Variants in ASTN1 observed in about 807,000 individuals in gnomAD.
ASTN1 encodes the protein astrotactin 1, also known as astrotactin-1.
In ASTN1, 41 loss-of-function variants were observed where a neutral mutation model predicts 140.7. The observed-to-expected ratio is 0.29, with a 90% CI of 0.23 to 0.38. The LOEUF (loss-of-function observed/expected upper bound fraction) is 0.38. Ranked by LOEUF, ASTN1 falls within the 10% of genes least tolerant of loss-of-function variation. The pLI, the probability that ASTN1 is intolerant of heterozygous loss-of-function variation, is 1.00. For missense variants in ASTN1, 1,479 were observed against 1,678.8 expected (o/e 0.88, Z 2.08); for synonymous variants, 640 against 652.2 (o/e 0.98, Z 0.29).
chr1:176,892,598 A>G (rs1350450450), intron 17 of ASTN1, among the ~76,000 whole-genome samples: 2 of 152,254 alleles, frequency 1.3e-5, no homozygotes, highest in East Asian at 3.9e-4. Context: ...ATATGGTTTG[A>G]CCTATTTGCT....
At chr1:176,890,111 C>T (rs1052824193) in intron 17 of ASTN1, among the ~76,000 whole-genome samples, 4 of 152,186 alleles carry the variant, frequency 2.6e-5, no homozygotes, top group Admixed American at 1.3e-4. Flanking sequence ...CGAGGATGCA[C>T]AAGACACCTG....
At chr1:177,108,781 T>A (rs189137932) in intron 1 of ASTN1, among the ~76,000 whole-genome samples, 1 of 152,300 alleles carries the variant, frequency 6.6e-6, no homozygotes, top group Admixed American at 6.5e-5. Context: ...GTGAGATAGA[T>A]AAATATTCAT....
chr1:176,943,968 A>C lies in ASTN1; in HGVS notation c.2300T>G (p.Val767Gly), dbSNP rs1284788032. 1 of 1,614,128 alleles carries C rather than the reference A, an allele frequency of 6.2e-7. No homozygotes were observed. Among genetic ancestry groups the C allele is most frequent in the Admixed American group, 1.7e-5 (1 of 60,012 alleles). ...ATTCTCCAGGGGCACAGTGGCCACCACAAGACCATCTGGCAGTTGCTGGTC... is the reference window on the plus strand; with the variant it reads ...ATTCTCCAGGGGCACAGTGGCCACCCCAAGACCATCTGGCAGTTGCTGGTC... ...GLDQQLPDGLVVATVPLENQC... is the reference protein window; with the variant it reads ...GLDQQLPDGLGVATVPLENQC... The change falls in exon 14 of 23, where the codon GTG becomes GGG. Residue 767 changes from valine to glycine, a missense_variant. Transcript: ENST00000361833.
At chr1:176,871,314 A>G (rs948886945) in intron 21 of ASTN1, among the ~76,000 whole-genome samples, 39 of 152,156 alleles carry the variant, frequency 2.6e-4, no homozygotes, top group African/African-American at 9.2e-4. Context: ...CGGGGGAGGA[A>G]AAATGCTGGT....
chr1:177,157,358 C>A (rs537449487), intron 1 of ASTN1, among the ~76,000 whole-genome samples: 1 of 152,184 alleles, frequency 6.6e-6, no homozygotes, highest in South Asian at 2.1e-4. Flanking sequence ...CTCTGTTACC[C>A]AGGCCAGAAT....
chr1:176,863,057 A>T lies in ASTN1; in HGVS notation c.*1227T>A, dbSNP rs1668018662. The T allele has an allele frequency of 1.0e-6, 1 of 985,684 alleles. No individual in the cohort carries two copies. The allele number at this position is 985,684 out of a possible 1,614,324, so 61.1% of individuals were successfully genotyped here. On this transcript the variant is annotated 3_prime_UTR_variant, in exon 23 of 23. Coordinates refer to ENST00000361833, the MANE Select transcript of ASTN1 (RefSeq NM_004319.3). Reference sequence around the variant, plus strand: ...TGGGCTTCCTGTTGGCTGGGCCACCATTCATGACCATGCCAATGCTTGGGC... The same window carrying T: ...TGGGCTTCCTGTTGGCTGGGCCACCTTTCATGACCATGCCAATGCTTGGGC...
In ASTN1 at chr1:176,978,323, C is replaced by T. The variant is rs72718688; in HGVS notation, c.1524-13086G>A. 2.4e-3 allele frequency among the ~76,000 whole-genome samples: 363 copies of T among 152,180 alleles called. 2 individuals carry two copies. The highest frequency in any genetic ancestry group is 3.7e-3 in the Non-Finnish European group (250 of 68,004). The stretch of plus-strand genomic sequence containing the variant: ...GGGCTTTGAATACAGGAAGATAGCA[C>T]CAAGATTTTGCTTCTGTGAAAGCAA... On this transcript the variant is annotated intron_variant, in intron 8 of 22. Transcript: ENST00000361833.
intron 11 of ASTN1, among the ~76,000 whole-genome samples, chr1:176,951,495 A>C (rs1672189157): frequency 6.6e-6 from 1 of 152,204 alleles, no homozygotes; most frequent in Non-Finnish European, 1.5e-5. Context: ...AGATAAAGTC[A>C]GTCCTTCTTT....
chr1:177,028,931 C>T (rs957621067), intron 5 of ASTN1, among the ~76,000 whole-genome samples: 5 of 152,170 alleles, frequency 3.3e-5, no homozygotes, highest in Admixed American at 1.3e-4. Flanking sequence ...CTCCGAACTC[C>T]GCTGGTGTGG....
At chr1:176,954,845 A>G (rs965506823) in intron 11 of ASTN1, among the ~76,000 whole-genome samples, 1 of 152,172 alleles carries the variant, frequency 6.6e-6, no homozygotes, top group African/African-American at 2.4e-5. Flanking sequence ...CCTTTCACAG[A>G]TATTTGTTTC....
At chr1:176,943,598 A>G (rs1671830994) in intron 14 of ASTN1, among the ~76,000 whole-genome samples, 1 of 152,110 alleles carries the variant, frequency 6.6e-6, no homozygotes, top group Non-Finnish European at 1.5e-5. Flanking sequence ...CACTTCCTCT[A>G]ATCCCCCAAG....
intron 16 of ASTN1, among the ~76,000 whole-genome samples, chr1:176,922,011 G>A (rs1468323465): frequency 6.6e-6 from 1 of 152,192 alleles, no homozygotes; most frequent in Non-Finnish European, 1.5e-5. Context: ...AAAATGCATT[G>A]CAGAAGATGG....
At chr1:177,032,416 T>G (rs1235461552) in intron 3 of ASTN1, 40 bp downstream of exon 3, 1 of 1,590,684 alleles carries the variant, frequency 6.3e-7, no homozygotes, top group Admixed American at 1.7e-5. Context: ...CTCCTTGAGA[T>G]GAAGGACCAA....
intron 1 of ASTN1, among the ~76,000 whole-genome samples, chr1:177,093,410 C>A (rs1679868515): frequency 6.6e-6 from 1 of 152,122 alleles, no homozygotes; most frequent in Non-Finnish European, 1.5e-5. Flanking sequence ...CAGGATTTCA[C>A]CTGGTAATTT....
chr1:177,128,199 G>T, intron 1 of ASTN1, among the ~76,000 whole-genome samples: 1 of 152,026 alleles, frequency 6.6e-6, no homozygotes, highest in East Asian at 1.9e-4. Flanking sequence ...TATAAAAAAA[G>T]AAAACAAAAG....
At chr1:177,111,551 A>AGAAGAG (rs1447573647) in intron 1 of ASTN1, among the ~76,000 whole-genome samples, 1 of 152,148 alleles carries the variant, frequency 6.6e-6, no homozygotes, top group Admixed American at 6.5e-5. Context: ...CTTCCAGGGT[A>AGAAGAG]TGTCTAAATA....
chr1:176,867,297 G>A (rs1284180118), intron 22 of ASTN1, among the ~76,000 whole-genome samples: 1 of 152,062 alleles, frequency 6.6e-6, no homozygotes, highest in African/African-American at 2.4e-5. Context: ...AATGTCAGAA[G>A]AGAGAAGGGA....
chr1:177,136,197 T>C (rs576066354), intron 1 of ASTN1, among the ~76,000 whole-genome samples: 1 of 152,326 alleles, frequency 6.6e-6, no homozygotes, highest in African/African-American at 2.4e-5. Flanking sequence ...GCTACTCTCC[T>C]GTGGAGTGTC....
At chr1:176,901,710 G>C (rs1669775283) in intron 16 of ASTN1, among the ~76,000 whole-genome samples, 1 of 152,134 alleles carries the variant, frequency 6.6e-6, no homozygotes, top group Non-Finnish European at 1.5e-5. Flanking sequence ...TGCACACAAG[G>C]AGCCCTTCCC....
Sources: allele counts gnomAD v4.1 joint callset (sites outside exome capture counted in the v4.1 genomes callset), GRCh38; gene constraint gnomAD v4.1.1; transcripts MANE v1.5; gene names NCBI Gene and HGNC (gene_info 2026-07-23, HGNC 2026-07-21).